TFG: variants seen among roughly 807,000 people sequenced by gnomAD.
The protein encoded by TFG is trafficking from ER to golgi regulator, also known as protein TFG.
In TFG, 22 loss-of-function variants were observed where a neutral mutation model predicts 51.4. The observed-to-expected ratio is 0.43, with a 90% CI of 0.31 to 0.61. TFG has a LOEUF of 0.61. Among genes scored for constraint, TFG ranks in the 20% least tolerant of loss-of-function variants. The probability of loss-of-function intolerance (pLI) is 0.12; values close to 1 mark genes in which losing one functional copy is unlikely to be tolerated. For missense variants in TFG, 419 were observed against 487.7 expected, an observed-to-expected ratio of 0.86 and a Z score of 1.33; for synonymous variants, 187 against 165.6, an observed-to-expected ratio of 1.13 and a Z score of -0.99.
At position 100,744,807 on chromosome 3, in the gene TFG, T is replaced by TG. The variant is rs1553704032; in HGVS notation, c.722-26_722-25insG. 6.6e-4 allele frequency: 935 copies of TG among 1,419,798 alleles called. 4 individuals carry two copies. In the East Asian group the frequency reaches 0.019, roughly 30 times the overall value. The allele number at this position is 1,419,798 out of a possible 1,614,324, so 88.0% of individuals were successfully genotyped here. A position where few individuals can be genotyped will look rare whatever the true frequency, so the allele number is the denominator to read the frequency against. On this transcript the variant is annotated intron_variant, in intron 6 of 7. Transcript: ENST00000240851. ...GCCACATTAAACATGCCTTTTTTCC[T>TG]TGTGTGTGTGTGTGTGTGTTTTCAG...
At chr3:100,733,627 C>A (rs186247817) in intron 5 of TFG, among the ~76,000 whole-genome samples, 16 of 152,248 alleles carry the variant, frequency 1.1e-4, no homozygotes, top group Admixed American at 2.6e-4. Flanking sequence ...CACACTCCCC[C>A]CAACTCCAGT....
At chr3:100,732,195 A>C (rs397320) in intron 4 of TFG, among the ~76,000 whole-genome samples, 1 of 152,148 alleles carries the variant, frequency 6.6e-6, no homozygotes, top group African/African-American at 2.4e-5. Flanking sequence ...AAAAAAACCA[A>C]AAAAAGTAAA....
Position 100,742,058 on chromosome 3 carries a change from GCT to G in TFG, c.722-2770_722-2769del, listed in dbSNP as rs1455951430. On this transcript the variant is annotated intron_variant, in intron 6 of 7. Transcript: ENST00000240851. ...TTACTATAAACAATGTCTGCATTTT[GCT>G]CTCTTCATATATCCTATAGATCTCT... is the stretch of plus-strand genomic sequence containing the variant. Among the ~76,000 whole-genome samples, 6 of 152,234 alleles carry G rather than the reference GCT, an allele frequency of 3.9e-5. No homozygotes were observed. The East Asian group carries it at 1.2e-3, about 29-fold the overall frequency.
intron 2 of TFG, among the ~76,000 whole-genome samples, chr3:100,718,331 ATTTTCT>A (rs1409239605): frequency 2.0e-5 from 3 of 152,040 alleles, no homozygotes; most frequent in Non-Finnish European, 4.4e-5. Flanking sequence ...GTCAGCAAAC[ATTTTCT>A]TTAATAGATC....
At position 100,736,628 on chromosome 3, in the gene TFG, T is replaced by C; in HGVS notation, c.633T>C (p.Ala211=). 2.5e-6 allele frequency: 4 copies of C among 1,613,988 alleles called. No individual in the cohort carries two copies. Among genetic ancestry groups the C allele is most frequent in the Non-Finnish European group, 3.4e-6 (4 of 1,179,962 alleles). ...GTTCAGGAACACCCGACAGCATTGC[T>C]TCCTCCTCCTCAGCAGCTCACCCAC... The part of the protein sequence containing the change: ...EDRSGTPDSI[A]SSSSAAHPPG... The change falls in exon 6 of 8, where the codon GCT becomes GCC. Residue 211 remains alanine (A), a synonymous_variant. Coordinates refer to ENST00000240851, the MANE Select transcript of TFG (RefSeq NM_006070.6).
chr3:100,742,026 A>G (rs1056904485), intron 6 of TFG, among the ~76,000 whole-genome samples: 1 of 152,198 alleles, frequency 6.6e-6, no homozygotes, highest in Admixed American at 6.5e-5. Flanking sequence ...ATTACTCAAA[A>G]CATTGCTTAC....
At chr3:100,728,609 T>G in intron 3 of TFG, 103 bp from the exon 4 acceptor site, 1 of 1,012,576 alleles carries the variant, frequency 9.9e-7, no homozygotes, top group South Asian at 1.9e-5. Context: ...ATATCTTGTT[T>G]TTGTTTTTTT....
chr3:100,745,066 G>A (rs999147784), intron 7 of TFG, 135 bp downstream of exon 7: 6 of 429,242 alleles, frequency 1.4e-5, no homozygotes, highest in African/African-American at 1.0e-4. Flanking sequence ...AACAACATTT[G>A]TTTTATTTAT....
chr3:100,711,633 T>C (rs573892114), intron 1 of TFG, among the ~76,000 whole-genome samples: 1 of 152,322 alleles, frequency 6.6e-6, no homozygotes, highest in East Asian at 1.9e-4. Flanking sequence ...CTTTAAATTC[T>C]ATATGTCAGG....
At chr3:100,729,304 AT>A (rs2095084788) in intron 4 of TFG, among the ~76,000 whole-genome samples, 1 of 152,228 alleles carries the variant, frequency 6.6e-6, no homozygotes, top group Admixed American at 6.5e-5. Flanking sequence ...AATCACTTAG[AT>A]TAGTAATGTT....
chr3:100,726,605 T>C (rs2095076623), intron 3 of TFG, among the ~76,000 whole-genome samples: 1 of 152,208 alleles, frequency 6.6e-6, no homozygotes, highest in African/African-American at 2.4e-5. Context: ...ATACTAGGAA[T>C]GTAAATGCAA....
At chr3:100,738,132 A>G (rs2095111720) in intron 6 of TFG, among the ~76,000 whole-genome samples, 1 of 152,086 alleles carries the variant, frequency 6.6e-6, no homozygotes, top group Admixed American at 6.5e-5. Context: ...AACACCAGTC[A>G]TTATGGACTA....
At chr3:100,713,970 A>G (rs2095038359) in intron 2 of TFG, 101 bp downstream of exon 2, 2 of 672,624 alleles carry the variant, frequency 3.0e-6, no homozygotes, top group Admixed American at 7.3e-5. Context: ...GTGTGATCAT[A>G]GCTCAGTGTC....
At chr3:100,730,076 A>G (rs1225725775) in intron 4 of TFG, among the ~76,000 whole-genome samples, 5 of 152,204 alleles carry the variant, frequency 3.3e-5, no homozygotes, top group African/African-American at 7.2e-5. Flanking sequence ...TAGATCAAGA[A>G]TCAATGAAAA....
intron 7 of TFG, 71 bp from the exon 8 acceptor site, chr3:100,748,078 G>C: frequency 6.7e-7 from 1 of 1,500,150 alleles, no homozygotes; most frequent in Non-Finnish European, 9.0e-7. Context: ...CCACCTAACA[G>C]TAAGACTAAT....
At chr3:100,747,025 T>C (rs2095136636) in intron 7 of TFG, among the ~76,000 whole-genome samples, 1 of 152,228 alleles carries the variant, frequency 6.6e-6, no homozygotes, top group Admixed American at 6.5e-5. Context: ...CTAAGCTTGC[T>C]CTTAATAAAT....
intron 7 of TFG, among the ~76,000 whole-genome samples, chr3:100,745,321 C>T (rs2095132059): frequency 6.6e-6 from 1 of 151,984 alleles, no homozygotes; most frequent in African/African-American, 2.4e-5. Context: ...GAAATATGAA[C>T]AGTTTACTAT....
intron 1 of TFG, 84 bp from the exon 2 acceptor site, chr3:100,713,559 G>C: frequency 1.9e-6 from 1 of 539,986 alleles, no homozygotes; most frequent in Non-Finnish European, 3.0e-6. Context: ...TTGGAGGCTA[G>C]AGTTTCTTAG....
intron 6 of TFG, 30 bp downstream of exon 6, chr3:100,736,746 G>A: frequency 6.2e-7 from 1 of 1,604,436 alleles, no homozygotes; most frequent in Non-Finnish European, 8.5e-7. Context: ...ACATGTTTGG[G>A]AAAGTACATG....
Sources: allele counts gnomAD v4.1 joint callset (sites outside exome capture counted in the v4.1 genomes callset), GRCh38; gene constraint gnomAD v4.1.1; transcripts MANE v1.5; gene names NCBI Gene and HGNC (gene_info 2026-07-23, HGNC 2026-07-21).